DRC11: variants seen among roughly 807,000 people sequenced by gnomAD.
DRC11 encodes IQ and AAA domain-containing protein 1.
chr2:236,410,012 A>T, the DRC11 span, among the ~76,000 whole-genome samples: 8 of 152,136 alleles, frequency 5.3e-5, no homozygotes, highest in Admixed American at 5.2e-4. Context: ...TCGGTTTGCC[A>T]GCATTTTATT....
the DRC11 span, among the ~76,000 whole-genome samples, chr2:236,422,543 A>C: frequency 1.3e-5 from 2 of 152,350 alleles, no homozygotes; most frequent in Middle Eastern, 3.4e-3. Context: ...TGCTCAATGA[A>C]ATAAAAGAGA....
At chr2:236,363,764 G>T in the DRC11 span, 1 of 1,576,752 alleles carries the variant, frequency 6.3e-7, no homozygotes, top group Middle Eastern at 1.7e-4. The surrounding 1 kb of genome is among the most constrained non-coding windows in gnomAD (Gnocchi z 5.6). Flanking sequence ...TGGAAACCAA[G>T]AAATGTAATC....
At chr2:236,389,062 C>G in the DRC11 span, among the ~76,000 whole-genome samples, 1 of 152,132 alleles carries the variant, frequency 6.6e-6, no homozygotes, top group South Asian at 2.1e-4. Context: ...CTGCTCTCTT[C>G]AAAGCTGTCA....
chr2:236,421,169 C>T, the DRC11 span, among the ~76,000 whole-genome samples: 3 of 152,120 alleles, frequency 2.0e-5, no homozygotes, highest in Admixed American at 2.0e-4. Flanking sequence ...CAAGAGCAAA[C>T]ACATTCAAAA....
the DRC11 span, among the ~76,000 whole-genome samples, chr2:236,424,589 C>T: frequency 2.2e-3 from 329 of 152,256 alleles, 1 homozygote; most frequent in African/African-American, 7.5e-3. Context: ...TACATGTACA[C>T]ATTGTGGAAT....
At chr2:236,392,398 A>G in the DRC11 span, 2 of 1,030,702 alleles carry the variant, frequency 1.9e-6, no homozygotes, top group Admixed American at 2.8e-5. This position sits in a 1 kb window ranked among gnomAD's most constrained non-coding sequence, Gnocchi z 5.1. Context: ...AATTTTAAAA[A>G]GATATAGGTT....
chr2:236,489,359 A>G, the DRC11 span, among the ~76,000 whole-genome samples: 1 of 136,226 alleles, frequency 7.3e-6, no homozygotes, highest in Admixed American at 7.5e-5. Flanking sequence ...CTCCGGGTAC[A>G]TGCTGGGGCC....
chr2:236,440,037 T>C, the DRC11 span, among the ~76,000 whole-genome samples: 1 of 152,226 alleles, frequency 6.6e-6, no homozygotes. Flanking sequence ...TCTGTTCTTT[T>C]GTTCAGCAAA....
the DRC11 span, among the ~76,000 whole-genome samples, chr2:236,389,070 TCAGA>T: frequency 2.4e-4 from 36 of 152,280 alleles, no homozygotes; most frequent in African/African-American, 7.7e-4. Flanking sequence ...TTCAAAGCTG[TCAGA>T]CAGGGACATT....
At chr2:236,480,360 T>C in the DRC11 span, among the ~76,000 whole-genome samples, 2 of 152,160 alleles carry the variant, frequency 1.3e-5, no homozygotes, top group Non-Finnish European at 2.9e-5. Context: ...TGAATACCAA[T>C]GATTCTTAGA....
the DRC11 span, among the ~76,000 whole-genome samples, chr2:236,400,948 G>A: frequency 6.6e-6 from 1 of 152,130 alleles, no homozygotes. This position sits in a 1 kb window ranked among gnomAD's most constrained non-coding sequence, Gnocchi z 7.9. Flanking sequence ...CACTGCCCTG[G>A]CCCCTTGCTC....
At chr2:236,335,947 A>G in the DRC11 span, among the ~76,000 whole-genome samples, 1 of 152,170 alleles carries the variant, frequency 6.6e-6, no homozygotes, top group South Asian at 2.1e-4. The surrounding 1 kb of genome is among the most constrained non-coding windows in gnomAD (Gnocchi z 5.6). Flanking sequence ...TCTGGCCAAC[A>G]TGATCTGGCT....
At chr2:236,399,549 C>T in the DRC11 span, 38 of 1,366,688 alleles carry the variant, frequency 2.8e-5, no homozygotes, top group Middle Eastern at 3.6e-4. The surrounding 1 kb of genome is among the most constrained non-coding windows in gnomAD (Gnocchi z 7.0). Flanking sequence ...AAGACGCAGA[C>T]GCTGTGATAA....
At chr2:236,343,604 C>T in the DRC11 span, 1 of 694,800 alleles carries the variant, frequency 1.4e-6, no homozygotes, top group Non-Finnish European at 2.3e-6. The surrounding 1 kb of genome is among the most constrained non-coding windows in gnomAD (Gnocchi z 6.6). Context: ...CTGATAACTC[C>T]AGGTGTGTGA....
the DRC11 span, among the ~76,000 whole-genome samples, chr2:236,307,115 A>G: frequency 6.6e-6 from 1 of 151,966 alleles, no homozygotes; most frequent in African/African-American, 2.4e-5. This position sits in a 1 kb window ranked among gnomAD's most constrained non-coding sequence, Gnocchi z 7.0. Context: ...GTCCTTCTAT[A>G]CCGTGCACAC....
At chr2:236,319,014 A>C in the DRC11 span, among the ~76,000 whole-genome samples, 2 of 152,320 alleles carry the variant, frequency 1.3e-5, no homozygotes, top group Non-Finnish European at 2.9e-5. The surrounding 1 kb of genome is among the most constrained non-coding windows in gnomAD (Gnocchi z 6.7). Context: ...CAGGAGAAAC[A>C]GAGCAGAGTG....
the DRC11 span, among the ~76,000 whole-genome samples, chr2:236,371,406 G>A: frequency 1.4e-4 from 21 of 152,204 alleles, no homozygotes; most frequent in Non-Finnish European, 2.9e-4. This position sits in a 1 kb window ranked among gnomAD's most constrained non-coding sequence, Gnocchi z 5.1. Context: ...TAGACAAGAT[G>A]ACGAGGCATG....
At chr2:236,357,734 C>G in the DRC11 span, among the ~76,000 whole-genome samples, 1 of 123,282 alleles carries the variant, frequency 8.1e-6, no homozygotes, top group Non-Finnish European at 1.6e-5. Context: ...TATAAATATA[C>G]ATATAATATG....
At chr2:236,422,776 G>A in the DRC11 span, among the ~76,000 whole-genome samples, 3 of 152,070 alleles carry the variant, frequency 2.0e-5, no homozygotes, top group Non-Finnish European at 4.4e-5. Context: ...AAAGCTGGAG[G>A]CACCACACTA....
Sources: allele counts gnomAD v4.1 joint callset (sites outside exome capture counted in the v4.1 genomes callset), GRCh38; gene constraint gnomAD v4.1.1; non-coding constraint Gnocchi (gnomAD v3.1); transcripts MANE v1.5; gene names NCBI Gene and HGNC (gene_info 2026-07-23, HGNC 2026-07-21).